CIMIP3: variants seen among roughly 807,000 people sequenced by gnomAD.
CIMIP3 encodes GUCA1A neighbor.
At chr6:42,158,723 A>C in the CIMIP3 span, among the ~76,000 whole-genome samples, 1 of 152,234 alleles carries the variant, frequency 6.6e-6, no homozygotes, top group Non-Finnish European at 1.5e-5. Context: ...AATGGCTCTT[A>C]GGAGCTTTTG....
the CIMIP3 span, chr6:42,163,088 A>G: frequency 7.0e-6 from 5 of 715,838 alleles, no homozygotes; most frequent in African/African-American, 8.7e-5. Flanking sequence ...GAATCCGGAC[A>G]AGCTCAGGTT....
At chr6:42,159,997 T>G in the CIMIP3 span, among the ~76,000 whole-genome samples, 1 of 152,076 alleles carries the variant, frequency 6.6e-6, no homozygotes, top group African/African-American at 2.4e-5. Flanking sequence ...AATCTTTTGT[T>G]TTTTTTGAGA....
the CIMIP3 span, among the ~76,000 whole-genome samples, chr6:42,159,690 T>A: frequency 6.6e-6 from 1 of 152,146 alleles, no homozygotes; most frequent in Non-Finnish European, 1.5e-5. Context: ...AGTGGGTTGA[T>A]GAAATGAGGA....
chr6:42,163,091 C>G, the CIMIP3 span: 1 of 715,644 alleles, frequency 1.4e-6, no homozygotes, highest in Admixed American at 2.0e-5. Flanking sequence ...TCCGGACAAG[C>G]TCAGGTTCAA....
the CIMIP3 span, chr6:42,163,178 C>T: frequency 1.6e-4 from 96 of 617,068 alleles, 1 homozygote; most frequent in Middle Eastern, 2.3e-3. Context: ...CTACCTGTAC[C>T]GCCGGGACAC....
the CIMIP3 span, among the ~76,000 whole-genome samples, chr6:42,161,369 C>T: frequency 1.3e-5 from 2 of 152,088 alleles, no homozygotes; most frequent in African/African-American, 4.8e-5. Context: ...CCCCTGACCG[C>T]TGAAGCCTGG....
chr6:42,162,090 CT>C, the CIMIP3 span, among the ~76,000 whole-genome samples: 1,487 of 62,782 alleles, frequency 0.024, 1 homozygote, highest in Non-Finnish European at 0.032. Context: ...AAGCCACATT[CT>C]TTTTTTTTTT....
the CIMIP3 span, among the ~76,000 whole-genome samples, chr6:42,160,289 A>G: frequency 6.6e-6 from 1 of 152,088 alleles, no homozygotes; most frequent in Non-Finnish European, 1.5e-5. Context: ...GCACCTGGCT[A>G]GAAAACAATC....
the CIMIP3 span, among the ~76,000 whole-genome samples, chr6:42,159,604 G>A: frequency 2.3e-3 from 350 of 152,314 alleles, 3 homozygotes; most frequent in African/African-American, 7.8e-3. Context: ...TGGCTGCCCC[G>A]CCCTCCAGTG....
chr6:42,160,013 T>C, the CIMIP3 span, among the ~76,000 whole-genome samples: 1 of 152,050 alleles, frequency 6.6e-6, no homozygotes, highest in Non-Finnish European at 1.5e-5. Flanking sequence ...TGAGATGGGG[T>C]CATGCTCTGT....
the CIMIP3 span, among the ~76,000 whole-genome samples, chr6:42,161,891 C>T: frequency 6.6e-6 from 1 of 151,908 alleles, no homozygotes; most frequent in African/African-American, 2.4e-5. Context: ...GATAGTTGCC[C>T]TCAAGGAGCT....
chr6:42,160,588 A>T, the CIMIP3 span, among the ~76,000 whole-genome samples: 1 of 152,180 alleles, frequency 6.6e-6, no homozygotes, highest in African/African-American at 2.4e-5. Flanking sequence ...TAGGACTCTG[A>T]ATGACAACTT....
the CIMIP3 span, chr6:42,162,963 C>T: frequency 4.3e-6 from 3 of 698,492 alleles, no homozygotes; most frequent in Non-Finnish European, 8.0e-6. Flanking sequence ...CCAAAGACAC[C>T]GTCATGCAAG....
At chr6:42,162,090 CTTTTTTTTTTTTTTTTTTT>C in the CIMIP3 span, among the ~76,000 whole-genome samples, 4 of 63,092 alleles carry the variant, frequency 6.3e-5, no homozygotes, top group East Asian at 7.5e-4. Flanking sequence ...AAGCCACATT[CTTTTTTTTTTTTTTTTTTT>C]TTTTTTTTTT....
At chr6:42,163,068 C>T in the CIMIP3 span, 11 of 717,348 alleles carry the variant, frequency 1.5e-5, no homozygotes, top group Admixed American at 6.0e-5. Flanking sequence ...GTTGTGGACT[C>T]TAAGGGGCAG....
the CIMIP3 span, among the ~76,000 whole-genome samples, chr6:42,160,449 A>G: frequency 6.6e-6 from 1 of 152,206 alleles, no homozygotes. Context: ...GGTAGGCTCT[A>G]GGGAAAAAGA....
the CIMIP3 span, among the ~76,000 whole-genome samples, chr6:42,160,582 A>G: frequency 3.9e-5 from 6 of 152,252 alleles, no homozygotes; most frequent in African/African-American, 1.4e-4. Context: ...CACTTGTAGG[A>G]CTCTGAATGA....
the CIMIP3 span, among the ~76,000 whole-genome samples, chr6:42,161,506 G>A: frequency 0.41 from 62,393 of 152,014 alleles, 13,153 homozygotes; most frequent in East Asian, 0.56. Context: ...TACCTGAAAC[G>A]TGGTGTGGGG....
the CIMIP3 span, among the ~76,000 whole-genome samples, chr6:42,158,427 G>A: frequency 3.3e-5 from 5 of 152,222 alleles, no homozygotes; most frequent in African/African-American, 7.2e-5. Context: ...TGGATGTTCC[G>A]GGGACCCTGG....
Sources: allele counts gnomAD v4.1 joint callset (sites outside exome capture counted in the v4.1 genomes callset), GRCh38; gene constraint gnomAD v4.1.1; transcripts MANE v1.5; gene names NCBI Gene and HGNC (gene_info 2026-07-23, HGNC 2026-07-21).